DIP2B: variants seen among roughly 807,000 people sequenced by gnomAD.
DIP2B encodes disco-interacting protein 2 homolog B.
Under a neutral mutation model 198.0 loss-of-function variants are expected in DIP2B, and 76 were observed. The ratio of observed to expected loss-of-function variants is 0.38; its 90% CI spans 0.32 to 0.46. The LOEUF is 0.46. Ranked by LOEUF, DIP2B falls within the 20% of genes least tolerant of loss-of-function variation. The pLI is 0.99. For synonymous variants in DIP2B, 701 were observed against 739.1 expected, an observed-to-expected ratio of 0.95 and a Z score of 0.84; for missense variants, 1,559 against 1,978.4, an observed-to-expected ratio of 0.79 and a Z score of 4.02.
intron 7 of DIP2B, 149 bp downstream of exon 7, chr12:50,675,597 G>A (rs1478680190): frequency 1.3e-6 from 1 of 770,398 alleles, no homozygotes; most frequent in Non-Finnish European, 1.9e-6. Flanking sequence ...TTTCCCTAAT[G>A]ATTATCTGTA....
Position 50,735,487 on chromosome 12 carries a change from A to G in DIP2B, c.4101+357A>G, listed in dbSNP as rs1940122426. On this transcript the variant is annotated intron_variant, in intron 34 of 37. Coordinates refer to ENST00000301180, the MANE Select transcript of DIP2B (RefSeq NM_173602.3). ...TGTTTTTTGTTTTTTGTTTTTTTTG[A>G]GATGGAGTCTCACTCTGCCACCCAG... 3.6e-5 allele frequency among the ~76,000 whole-genome samples: 5 copies of G among 140,606 alleles called. No individual in the cohort carries two copies. The South Asian group carries it at 1.1e-3, about 32-fold the overall frequency. The allele number at this position is 140,606 out of a possible 152,430, so 92.2% of individuals were successfully genotyped here.
intron 1 of DIP2B, among the ~76,000 whole-genome samples, chr12:50,532,152 C>T (rs547156448): frequency 1.2e-4 from 19 of 152,262 alleles, no homozygotes. Context: ...GGCAGATACT[C>T]ATAGGTGATG....
At chr12:50,727,851 A>G in intron 29 of DIP2B, 39 bp downstream of exon 29, 1 of 1,555,356 alleles carries the variant, frequency 6.4e-7, no homozygotes, top group Non-Finnish European at 8.9e-7. Flanking sequence ...TCTGCCAAAA[A>G]ATAGAGATGA....
chr12:50,719,580 A>C (rs1447502819), intron 25 of DIP2B, among the ~76,000 whole-genome samples: 1 of 152,124 alleles, frequency 6.6e-6, no homozygotes, highest in African/African-American at 2.4e-5. Flanking sequence ...AGTGGCTCAC[A>C]CCTGTAATCC....
At chr12:50,672,730 A>G (rs1938876193) in intron 5 of DIP2B, among the ~76,000 whole-genome samples, 1 of 152,212 alleles carries the variant, frequency 6.6e-6, no homozygotes, top group Admixed American at 6.5e-5. Context: ...AAAATAACCT[A>G]TAATCCTACC....
At chr12:50,655,446 A>G (rs1938538291) in intron 3 of DIP2B, among the ~76,000 whole-genome samples, 1 of 152,160 alleles carries the variant, frequency 6.6e-6, no homozygotes. Flanking sequence ...TATAGTTTTG[A>G]CTTTTGGAAC....
At chr12:50,648,449 C>T (rs894684301) in intron 3 of DIP2B, among the ~76,000 whole-genome samples, 8 of 152,090 alleles carry the variant, frequency 5.3e-5, no homozygotes, top group Non-Finnish European at 1.0e-4. Flanking sequence ...CTGCAGGCTC[C>T]GCCTCCTGGG....
intron 11 of DIP2B, 86 bp from the exon 12 acceptor site, chr12:50,686,487 C>A: frequency 5.3e-6 from 6 of 1,131,914 alleles, no homozygotes; most frequent in Non-Finnish European, 7.6e-6. Flanking sequence ...TTAATTTGGT[C>A]TCTTGATATT....
chr12:50,586,046 T>C (rs1268464242), intron 1 of DIP2B, among the ~76,000 whole-genome samples: 3 of 152,220 alleles, frequency 2.0e-5, no homozygotes, highest in Non-Finnish European at 2.9e-5. Flanking sequence ...TGAGAACTCA[T>C]GCGTCCTAGA....
In DIP2B at chr12:50,708,559, G is replaced by A. The variant is rs776351070; in HGVS notation, c.2646G>A (p.Leu882=). 22 of 1,584,386 alleles carry A rather than the reference G, an allele frequency of 1.4e-5. No homozygotes were observed. The highest frequency in any genetic ancestry group is 1.7e-5 in the Non-Finnish European group (20 of 1,163,714). The change falls in exon 22 of 38, where the codon CTG becomes CTA. Residue 882 remains leucine (L), a synonymous_variant. Coordinates refer to ENST00000301180, the MANE Select transcript of DIP2B (RefSeq NM_173602.3). ...GTTTCCAGTGGATGAGCCGCGTGCT[G>A]CAGGTGAGCACACTTTGGGGTCTGT... The part of the protein sequence containing the change: ...EDSFQWMSRV[L]QAIDSIHQVG...
chr12:50,601,327 C>A (rs1042168693), intron 1 of DIP2B, among the ~76,000 whole-genome samples: 2 of 143,406 alleles, frequency 1.4e-5, no homozygotes, highest in Admixed American at 6.9e-5. Flanking sequence ...CTATATATAT[C>A]TATATATTTT....
At chr12:50,528,190 G>C (rs973343334) in intron 1 of DIP2B, among the ~76,000 whole-genome samples, 1 of 150,772 alleles carries the variant, frequency 6.6e-6, no homozygotes, top group Non-Finnish European at 1.5e-5. Flanking sequence ...GCCTTCCAAA[G>C]TGTTGGGATT....
intron 27 of DIP2B, among the ~76,000 whole-genome samples, chr12:50,724,557 A>G (rs1308016851): frequency 6.6e-6 from 1 of 152,240 alleles, no homozygotes; most frequent in East Asian, 1.9e-4. Context: ...GATACAGTGT[A>G]TTGTGAACAG....
rs368427727 is a variant in DIP2B at position 50,678,883 on chromosome 12, C to G, written c.1114+7C>G. On this transcript the variant is annotated splice_region_variant and intron_variant, in intron 8 of 37. Transcript: ENST00000301180. Reference sequence around the variant, plus strand: ...GTTTACACTCTTACATATGGTGAGTCTGCAAGATTCCAGATCCTTCTCTCC... The same window carrying G: ...GTTTACACTCTTACATATGGTGAGTGTGCAAGATTCCAGATCCTTCTCTCC... The G allele has an allele frequency of 8.7e-6, 14 of 1,614,108 alleles. No individual in the cohort carries two copies. Among genetic ancestry groups the G allele is most frequent in the Non-Finnish European group, 1.2e-5 (14 of 1,179,968 alleles).
Position 50,699,143 on chromosome 12 carries a change from T to G in DIP2B, c.2266T>G (p.Ser756Ala). 1 of 1,614,174 alleles carries G rather than the reference T, an allele frequency of 6.2e-7. No homozygotes were observed. The highest frequency in any genetic ancestry group is 8.5e-7 in the Non-Finnish European group (1 of 1,180,022). Residue 756 changes from serine to alanine, a missense_variant, in exon 19 of 38, where the codon TCC becomes GCC. Coordinates refer to ENST00000301180, the MANE Select transcript of DIP2B (RefSeq NM_173602.3). Reference sequence around the variant, plus strand: ...TGAAATTGGAGAAATCTGTGTTAGCTCCAGAACTGGAGGCATGATGTACTT... The same window carrying G: ...TGAAATTGGAGAAATCTGTGTTAGCGCCAGAACTGGAGGCATGATGTACTT... Reference protein sequence around the residue: ...TDEIGEICVSSRTGGMMYFGL... With the variant: ...TDEIGEICVSARTGGMMYFGL...
intron 1 of DIP2B, among the ~76,000 whole-genome samples, chr12:50,522,082 C>T (rs1406730053): frequency 6.6e-6 from 1 of 152,078 alleles, no homozygotes. Flanking sequence ...CTCACTGCAA[C>T]CTCCGTGTCC....
In DIP2B at chr12:50,527,032, A is replaced by G. The variant is rs141096772; in HGVS notation, c.100+21792A>G. Among the ~76,000 whole-genome samples, 358 of 152,338 alleles carry G rather than the reference A, an allele frequency of 2.4e-3. 2 individuals are homozygous for G. Among genetic ancestry groups the G allele is most frequent in the African/African-American group, 8.1e-3 (335 of 41,590 alleles). On this transcript the variant is annotated intron_variant, in intron 1 of 37. Transcript: ENST00000301180. Reference sequence around the variant, plus strand: ...TTTTCTGTAGACCAGACATTGTAATAAAACCAAAATCAGTTTTGTTTTGGT... The same window carrying G: ...TTTTCTGTAGACCAGACATTGTAATGAAACCAAAATCAGTTTTGTTTTGGT...
chr12:50,650,968 C>T (rs371775227), intron 3 of DIP2B, among the ~76,000 whole-genome samples: 4 of 152,180 alleles, frequency 2.6e-5, no homozygotes, highest in Admixed American at 6.5e-5. Context: ...CTCTTCAACA[C>T]GTATTTTCTG....
intron 1 of DIP2B, among the ~76,000 whole-genome samples, chr12:50,523,046 A>G (rs1382790215): frequency 6.6e-6 from 1 of 152,198 alleles, no homozygotes; most frequent in Non-Finnish European, 1.5e-5. Flanking sequence ...TAAGAAAGAC[A>G]TAAGATCTGT....
Sources: allele counts gnomAD v4.1 joint callset (sites outside exome capture counted in the v4.1 genomes callset), GRCh38; gene constraint gnomAD v4.1.1; transcripts MANE v1.5; gene names NCBI Gene and HGNC (gene_info 2026-07-23, HGNC 2026-07-21).